NEMP1: variants seen among roughly 807,000 people sequenced by gnomAD.
NEMP1 encodes the protein transmembrane protein 194.
Under a neutral mutation model 53.7 loss-of-function variants are expected in NEMP1, and 29 were observed. The observed-to-expected ratio is 0.54, with a 90% CI of 0.40 to 0.74. The LOEUF (loss-of-function observed/expected upper bound fraction) is 0.74. Ranked by LOEUF, NEMP1 falls within the 30% of genes least tolerant of loss-of-function variation. The pLI, the probability that NEMP1 is intolerant of heterozygous loss-of-function variation, is 0.00. For synonymous variants in NEMP1, 193 were observed against 192.9 expected (o/e 1.00, Z 0.00); for missense variants, 477 against 528.6 (o/e 0.90, Z 0.96).
intron 1 of NEMP1, among the ~76,000 whole-genome samples, chr12:57,084,345 TC>T (rs1004556984): frequency 3.3e-5 from 5 of 152,146 alleles, no homozygotes; most frequent in Admixed American, 1.3e-4. Flanking sequence ...TGAAGGCTAT[TC>T]CAGAGTTTTG....
upstream of NEMP1, among the ~76,000 whole-genome samples, chr12:57,083,449 A>G (rs2032905141): frequency 6.6e-6 from 1 of 152,244 alleles, no homozygotes; most frequent in Non-Finnish European, 1.5e-5. Flanking sequence ...GATTTATGCA[A>G]ATAGCCAAAA....
intron 4 of NEMP1, among the ~76,000 whole-genome samples, chr12:57,067,776 C>T (rs2032159537): frequency 6.6e-6 from 1 of 152,118 alleles, no homozygotes; most frequent in Admixed American, 6.6e-5. Flanking sequence ...ACATCCCCAT[C>T]ATCTCTCCCG....
chr12:57,087,383 G>A (rs1267147418), intron 1 of NEMP1, among the ~76,000 whole-genome samples: 1 of 152,122 alleles, frequency 6.6e-6, no homozygotes, highest in Admixed American at 6.5e-5. Context: ...GGCTGGGGGA[G>A]GGAGGGGGCA....
At chr12:57,078,320 G>A (rs968594805) in intron 1 of NEMP1, among the ~76,000 whole-genome samples, 3 of 152,042 alleles carry the variant, frequency 2.0e-5, no homozygotes, top group Non-Finnish European at 4.4e-5. Flanking sequence ...CAAGGCTTCT[G>A]CAACGAGACA....
rs946750086 is a variant in NEMP1 at position 57,058,602 on chromosome 12, T to C, written c.*1277A>G. 2 of 152,190 alleles carry C rather than the reference T, an allele frequency of 1.3e-5. No homozygotes were observed. The highest frequency in any genetic ancestry group is 4.8e-5 in the African/African-American group (2 of 41,432). 9.4% of individuals were successfully genotyped at this position (152,190 alleles called of 1,614,324 possible). Reference sequence around the variant, plus strand: ...CTACTGCAATAACAGGCAGCATACATCTCAGGTCAGAAACGCAATCATAAA... The same window carrying C: ...CTACTGCAATAACAGGCAGCATACACCTCAGGTCAGAAACGCAATCATAAA... On this transcript the variant is annotated 3_prime_UTR_variant, in exon 9 of 9. Coordinates refer to ENST00000300128, the MANE Select transcript of NEMP1 (RefSeq NM_001130963.2).
At position 57,060,949 on chromosome 12, in the gene NEMP1, T is replaced by C; in HGVS notation, c.981-4A>G. The C allele has an allele frequency of 6.2e-7, 1 of 1,611,752 alleles. No homozygotes were observed. The highest frequency in any genetic ancestry group is 8.5e-7 in the Non-Finnish European group (1 of 1,179,370). Reference sequence around the variant, plus strand: ...TTCTGCTCCCTTACACACCTTTCTGTGCTCACCAAAATAACATTATGAATC... The same window carrying C: ...TTCTGCTCCCTTACACACCTTTCTGCGCTCACCAAAATAACATTATGAATC... On this transcript the variant is annotated splice_polypyrimidine_tract_variant and splice_region_variant and intron_variant, in intron 7 of 8. Transcript: ENST00000300128.
At chr12:57,084,200 G>A (rs1322533470) in intron 1 of NEMP1, among the ~76,000 whole-genome samples, 1 of 152,202 alleles carries the variant, frequency 6.6e-6, no homozygotes. Context: ...GACCTCAGGT[G>A]ATCCACCCAC....
At chr12:57,062,553 A>C (rs1355936713) in intron 7 of NEMP1, among the ~76,000 whole-genome samples, 1 of 151,858 alleles carries the variant, frequency 6.6e-6, no homozygotes, top group East Asian at 1.9e-4. Context: ...GGCGGGGCGC[A>C]GTGGCTCATG....
At chr12:57,066,714 A>G (rs2032095092) in intron 4 of NEMP1, among the ~76,000 whole-genome samples, 1 of 152,136 alleles carries the variant, frequency 6.6e-6, no homozygotes, top group Admixed American at 6.5e-5. Flanking sequence ...TCCCCACCCA[A>G]ATCTCATCTT....
intron 1 of NEMP1, among the ~76,000 whole-genome samples, 194 bp downstream of exon 1, chr12:57,078,425 C>A (rs1350320831): frequency 6.6e-6 from 1 of 152,164 alleles, no homozygotes; most frequent in African/African-American, 2.4e-5. Context: ...GCTGCCCCAG[C>A]CCGCTTCAGG....
At position 57,078,661 on chromosome 12, in the gene NEMP1, G is replaced by C; in HGVS notation, c.85C>G (p.Arg29Gly). 6.2e-7 allele frequency: 1 copy of C among 1,613,082 alleles called. No homozygotes were observed. Among genetic ancestry groups the C allele is most frequent in the Non-Finnish European group, 8.5e-7 (1 of 1,179,560 alleles). ...GSGVGGGGTV[R>G]LLLILSGCLV... ...CAGCCGGAGAGGATCAAGAGTAGCC[G>C]CACTGTCCCACCGCCCCCGACTCCC... The change falls in exon 1 of 9, where the codon CGG becomes GGG. Residue 29 changes from arginine (R) to glycine (G), a missense_variant. Coordinates refer to ENST00000300128, the MANE Select transcript of NEMP1 (RefSeq NM_001130963.2).
intron 2 of NEMP1, among the ~76,000 whole-genome samples, chr12:57,071,779 C>T (rs540081532): frequency 8.4e-4 from 127 of 151,610 alleles, no homozygotes; most frequent in Non-Finnish European, 1.6e-3. Flanking sequence ...GAGCCGAGGT[C>T]GTGCCACTGC....
At position 57,062,760 on chromosome 12, in the gene NEMP1, T is replaced by C. The variant is rs1196791935; in HGVS notation, c.980+359A>G. 8.4e-4 allele frequency among the ~76,000 whole-genome samples: 112 copies of C among 132,742 alleles called. No homozygotes were observed. The Middle Eastern group carries it at 0.026, about 30-fold the overall frequency. The allele number at this position is 132,742 out of a possible 152,430, so 87.1% of individuals were successfully genotyped here. A position where few individuals can be genotyped will look rare whatever the true frequency, so the allele number is the denominator to read the frequency against. ...TCAGGAGGCTGAGGCAGAAGAATCGTTTGAACCCGGGAGGTGGAGGTTGCA... is the reference window on the plus strand; with the variant it reads ...TCAGGAGGCTGAGGCAGAAGAATCGCTTGAACCCGGGAGGTGGAGGTTGCA... On this transcript the variant is annotated intron_variant, in intron 7 of 8. Coordinates refer to ENST00000300128, the MANE Select transcript of NEMP1 (RefSeq NM_001130963.2).
Position 57,064,130 on chromosome 12 carries a change from A to G in NEMP1, c.695T>C (p.Ile232Thr), listed in dbSNP as rs2031955341. ...VGGWSFSLYL[I>T]QLVFKNLQEI... ...TTGTAAATTTTTAAAAACTAGTTGA[A>G]TGAGGTACAGAGAAAAAGACCAGCC... The change falls in exon 6 of 9, where the codon ATT (isoleucine) becomes ACT (threonine). Residue 232 changes from isoleucine to threonine, a missense_variant. Ile to Thr is a moderately conservative substitution (Grantham distance 89, BLOSUM62 -1). Transcript: ENST00000300128. 3 of 1,611,314 alleles carry G rather than the reference A, an allele frequency of 1.9e-6. No individual in the cohort carries two copies. Among genetic ancestry groups the G allele is most frequent in the Non-Finnish European group, 1.7e-6 (2 of 1,179,090 alleles).
Position 57,059,171 on chromosome 12 carries a change from G to C in NEMP1, c.*708C>G, listed in dbSNP as rs1238007292. On this transcript the variant is annotated 3_prime_UTR_variant, in exon 9 of 9. Coordinates refer to ENST00000300128, the MANE Select transcript of NEMP1 (RefSeq NM_001130963.2). ...AAGAGCCTACAGGCATGTTCCTAAA[G>C]GCAAATAGGACTTTCTATCATATGT... 1 of 152,124 alleles carries C rather than the reference G, an allele frequency of 6.6e-6. No homozygotes were observed. The highest frequency in any genetic ancestry group is 1.5e-5 in the Non-Finnish European group (1 of 68,038). The allele number at this position is 152,124 out of a possible 1,614,324, so 9.4% of individuals were successfully genotyped here. A position where few individuals can be genotyped will look rare whatever the true frequency, so the allele number is the denominator to read the frequency against.
chr12:57,061,982 A>T (rs1017088561), intron 7 of NEMP1, among the ~76,000 whole-genome samples: 4 of 152,054 alleles, frequency 2.6e-5, no homozygotes, highest in African/African-American at 9.7e-5. Flanking sequence ...CTGGTGACAG[A>T]GCAAGACTCC....
At chr12:57,080,312 C>T (rs2032806083), upstream of NEMP1, among the ~76,000 whole-genome samples, 1 of 152,154 alleles carries the variant, frequency 6.6e-6, no homozygotes, top group African/African-American at 2.4e-5. Context: ...GGCATGGTGG[C>T]TCAGGTCTGT....
upstream of NEMP1, among the ~76,000 whole-genome samples, chr12:57,080,893 CAA>C (rs60838518): frequency 5.9e-4 from 51 of 86,898 alleles, no homozygotes; most frequent in Admixed American, 1.1e-3. Flanking sequence ...TCTCTTGTCT[CAA>C]AAAAAAAAAA....
chr12:57,065,323 T>C (rs1050658826), intron 4 of NEMP1, among the ~76,000 whole-genome samples: 2 of 152,168 alleles, frequency 1.3e-5, no homozygotes, highest in Non-Finnish European at 2.9e-5. Context: ...CATTAACCCT[T>C]AACAAGAGGA....
Sources: allele counts gnomAD v4.1 joint callset (sites outside exome capture counted in the v4.1 genomes callset), GRCh38; gene constraint gnomAD v4.1.1; transcripts MANE v1.5; gene names NCBI Gene and HGNC (gene_info 2026-07-23, HGNC 2026-07-21).